The following WDR7 variants were observed in gnomAD, a reference collection of about 807,000 sequenced individuals.
WDR7 encodes the protein WD repeat domain 7.
In WDR7, 46 loss-of-function variants were observed where a neutral mutation model predicts 169.4. The ratio of observed to expected loss-of-function variants is 0.27; its 90% CI spans 0.21 to 0.35. WDR7 has a LOEUF of 0.35. WDR7 is among the 10% of genes least tolerant of loss of function. WDR7 has a pLI of 1.00. For synonymous variants in WDR7, 612 were observed against 666.8 expected, an observed-to-expected ratio of 0.92 and a Z score of 1.27; for missense variants, 1,534 against 1,859.3, an observed-to-expected ratio of 0.83 and a Z score of 3.22.
In WDR7 at chr18:56,686,047, A is replaced by G. The variant is rs747507480; in HGVS notation, c.597+15A>G. 4 of 1,578,442 alleles carry G rather than the reference A, an allele frequency of 2.5e-6. No individual in the cohort carries two copies. In the South Asian group the frequency reaches 4.7e-5, roughly 18 times the overall value. On this transcript the variant is annotated intron_variant, in intron 6 of 27. Transcript: ENST00000254442. The stretch of plus-strand genomic sequence containing the variant: ...GTGACATGCAGGTGAGAAAAAGGAA[A>G]CTGGGGTGATTTCTCTGTTTTTATT...
intron 12 of WDR7, among the ~76,000 whole-genome samples, chr18:56,707,199 T>G (rs778295037): frequency 6.6e-6 from 1 of 152,134 alleles, no homozygotes; most frequent in Admixed American, 6.5e-5. Context: ...GCCAGGATGG[T>G]CTCAAACTCC....
chr18:56,967,188 G>T (rs751406164), intron 26 of WDR7, among the ~76,000 whole-genome samples: 1 of 151,524 alleles, frequency 6.6e-6, no homozygotes, highest in Non-Finnish European at 1.5e-5. Flanking sequence ...GGAGCGCTTG[G>T]GTGGAAAAGT....
rs145206733 is a variant in WDR7, at chr18:56,925,972, T to A, written c.3713+1864T>A. Among the ~76,000 whole-genome samples, 10 of 152,336 alleles carry A rather than the reference T, an allele frequency of 6.6e-5. No homozygotes were observed. In the East Asian group the frequency reaches 1.7e-3, roughly 26 times the overall value. On this transcript the variant is annotated intron_variant, in intron 22 of 27. Transcript: ENST00000254442. ...ATTAAATGAGCTTATATTTGCAAAT[T>A]GCTTAGAATAGTGAGCATATATTAA...
intron 20 of WDR7, among the ~76,000 whole-genome samples, chr18:56,870,205 GA>G (rs998930842): frequency 1.3e-5 from 2 of 152,102 alleles, no homozygotes; most frequent in African/African-American, 4.8e-5. Context: ...TTGTTTTTAA[GA>G]TTTTTTTCCT....
chr18:56,687,027 T>A (rs2025457812), intron 7 of WDR7, 53 bp downstream of exon 7: 1 of 1,508,424 alleles, frequency 6.6e-7, no homozygotes, highest in Admixed American at 2.1e-5. Context: ...AAGACATTGG[T>A]TTATCAGATT....
intron 21 of WDR7, among the ~76,000 whole-genome samples, chr18:56,913,116 C>T (rs2046575426): frequency 6.6e-6 from 1 of 152,036 alleles, no homozygotes; most frequent in Non-Finnish European, 1.5e-5. Context: ...TCAAACGATC[C>T]TCTCACCTCA....
intron 26 of WDR7, among the ~76,000 whole-genome samples, chr18:57,015,459 G>A (rs76576518): frequency 1.3e-5 from 2 of 151,906 alleles, no homozygotes; most frequent in Non-Finnish European, 2.9e-5. Context: ...TTTTTTCCTG[G>A]AACATAATTA....
At chr18:56,925,758 G>A (rs1298504265) in intron 22 of WDR7, among the ~76,000 whole-genome samples, 1 of 152,166 alleles carries the variant, frequency 6.6e-6, no homozygotes, top group East Asian at 1.9e-4. Flanking sequence ...AAAGTCCCAA[G>A]AAGATTGGTA....
At chr18:56,685,908 G>T (rs201569689) in intron 5 of WDR7, 48 bp from the exon 6 acceptor site, 2 of 1,425,720 alleles carry the variant, frequency 1.4e-6, no homozygotes, top group East Asian at 2.4e-5. Context: ...TAGAAAAAGC[G>T]TATTATGTTC....
At chr18:56,934,479 A>G (rs2046931353) in intron 22 of WDR7, among the ~76,000 whole-genome samples, 1 of 151,856 alleles carries the variant, frequency 6.6e-6, no homozygotes, top group Admixed American at 6.6e-5. Context: ...CTCAGCTCAC[A>G]TCTTTCTTTT....
chr18:57,016,483 C>T (rs1445852969), intron 26 of WDR7, among the ~76,000 whole-genome samples: 1 of 152,110 alleles, frequency 6.6e-6, no homozygotes, highest in Non-Finnish European at 1.5e-5. Context: ...AAGATGTTCT[C>T]TTTAATTTTA....
intron 20 of WDR7, among the ~76,000 whole-genome samples, chr18:56,846,312 A>G (rs2045567364): frequency 6.6e-6 from 1 of 152,026 alleles, no homozygotes; most frequent in Non-Finnish European, 1.5e-5. Flanking sequence ...CTTGAATTGT[A>G]TCTCCCAGAA....
chr18:56,948,428 TC>T (rs1483534666), intron 25 of WDR7, among the ~76,000 whole-genome samples: 2 of 151,968 alleles, frequency 1.3e-5, no homozygotes, highest in Non-Finnish European at 2.9e-5. Context: ...AAAAAAAAGA[TC>T]CTTTGTTGGG....
chr18:57,033,005 A>G (rs1334809150), downstream of WDR7: 1 of 151,948 alleles, frequency 6.6e-6, no homozygotes, highest in African/African-American at 2.4e-5. Context: ...CGGCACTTCA[A>G]GTTTTAGTGA....
At chr18:56,739,758 T>TGG (rs148104938) in intron 14 of WDR7, among the ~76,000 whole-genome samples, 3 of 151,046 alleles carry the variant, frequency 2.0e-5, no homozygotes, top group Admixed American at 2.0e-4. Context: ...CATCTTTTTT[T>TGG]GGGGGGGGGA....
In WDR7 at chr18:56,684,310, T is replaced by G. The variant is rs74736189; in HGVS notation, c.520+1457T>G. ...TGTGTATCAGCTAGGGAATTCACTT[T>G]GTGGATCAGGGGTTGTCAAACTTAT... is the stretch of plus-strand genomic sequence containing the variant. On this transcript the variant is annotated intron_variant, in intron 5 of 27. Transcript: ENST00000254442. 2.8e-3 allele frequency among the ~76,000 whole-genome samples: 422 copies of G among 152,242 alleles called. 4 individuals carry two copies. In the East Asian group the frequency reaches 0.038, roughly 14 times the overall value.
chr18:56,922,293 T>A (rs1174505502), intron 21 of WDR7, among the ~76,000 whole-genome samples: 1 of 152,078 alleles, frequency 6.6e-6, no homozygotes. Flanking sequence ...GTTTAGAAGA[T>A]GCAAAGTTAT....
chr18:57,005,385 G>C (rs2048041294), intron 26 of WDR7, among the ~76,000 whole-genome samples: 1 of 152,046 alleles, frequency 6.6e-6, no homozygotes, highest in African/African-American at 2.4e-5. Context: ...CATTTAAAGT[G>C]ATCTGGCAAC....
rs745537548 is a variant in WDR7, at chr18:56,757,060, C to T, written c.2467C>T (p.Arg823Cys). 8.7e-6 allele frequency: 14 copies of T among 1,614,114 alleles called. No homozygotes were observed. Among genetic ancestry groups the T allele is most frequent in the South Asian group, 7.7e-5 (7 of 91,078 alleles). The change falls in exon 15 of 28, where the codon CGC (arginine) becomes TGC (cysteine). Residue 823 changes from arginine (R) to cysteine (C), a missense_variant. Physicochemically the swap from Arg to Cys is radical, Grantham distance 180. Transcript: ENST00000254442. ...NEVLDEVCLDRLGMLKPHCTV... is the reference protein window; with the variant it reads ...NEVLDEVCLDCLGMLKPHCTV... Reference sequence around the variant, plus strand: ...AGTACTGGATGAAGTTTGCCTGGATCGCCTTGGAATGCTGAAACCCCACTG... The same window carrying T: ...AGTACTGGATGAAGTTTGCCTGGATTGCCTTGGAATGCTGAAACCCCACTG...
Sources: allele counts gnomAD v4.1 joint callset (sites outside exome capture counted in the v4.1 genomes callset), GRCh38; gene constraint gnomAD v4.1.1; transcripts MANE v1.5; gene names NCBI Gene and HGNC (gene_info 2026-07-23, HGNC 2026-07-21).